COL5A3: variants seen among roughly 807,000 people sequenced by gnomAD.
The protein encoded by COL5A3 is collagen type V alpha 3 chain, also known as collagen alpha-3(V) chain.
A neutral mutation model predicts 250.0 loss-of-function variants in COL5A3; 172 were observed. The observed-to-expected ratio is 0.69, with a 90% CI of 0.61 to 0.78. The LOEUF is 0.78. Among genes scored for constraint, COL5A3 ranks in the 30% least tolerant of loss-of-function variants. COL5A3 has a pLI of 0.00. For synonymous variants in COL5A3, 937 were observed against 900.4 expected (o/e 1.04, Z -0.73); for missense variants, 2,340 against 2,334.4 (o/e 1.00, Z -0.05).
chr19:10,001,449 A>G, intron 8 of COL5A3, 75 bp downstream of exon 8: 1 of 1,488,868 alleles, frequency 6.7e-7, no homozygotes, highest in Non-Finnish European at 9.0e-7. Flanking sequence ...GCCCTGCCTA[A>G]ATAAATAAAT....
At position 9,983,729 on chromosome 19, in the gene COL5A3, AAG is replaced by A. The variant is rs990029775; in HGVS notation, c.2407-1613_2407-1612del. Among the ~76,000 whole-genome samples, 265 of 150,810 alleles carry A rather than the reference AAG, an allele frequency of 1.8e-3. 4 individuals carry two copies. Among genetic ancestry groups the A allele is most frequent in the African/African-American group, 6.1e-3 (252 of 41,228 alleles). ...AAAAAAGAAGGAAAAGAAAAGAAAAAAGAGGGGGACGCAGTGAGGGAGGGAGG... is the reference window on the plus strand; with the variant it reads ...AAAAAAGAAGGAAAAGAAAAGAAAAAAGGGGGACGCAGTGAGGGAGGGAGG... On this transcript the variant is annotated intron_variant, in intron 31 of 66. Coordinates refer to ENST00000264828, the MANE Select transcript of COL5A3 (RefSeq NM_015719.4).
chr19:9,973,054 G>T (rs1338551808), intron 50 of COL5A3, 28 bp from the exon 51 acceptor site: 2 of 1,571,996 alleles, frequency 1.3e-6, no homozygotes, highest in East Asian at 4.6e-5. Flanking sequence ...AGAGGTCAGA[G>T]TGGCCTGGAC....
At position 9,996,745 on chromosome 19, in the gene COL5A3, C is replaced by T. The variant is rs10410821; in HGVS notation, c.1264-56G>A. On this transcript the variant is annotated intron_variant, in intron 11 of 66. Transcript: ENST00000264828. ...GACAGGGAGAGAGGGAGAGAGAGAGCGAGGACAGGGGAGGCACAGAAGGAT... is the reference window on the plus strand; with the variant it reads ...GACAGGGAGAGAGGGAGAGAGAGAGTGAGGACAGGGGAGGCACAGAAGGAT... 1,426 of 1,372,890 alleles carry T rather than the reference C, an allele frequency of 1.0e-3. 4 individuals are homozygous for T. Among genetic ancestry groups the T allele is most frequent in the African/African-American group, 3.6e-3 (245 of 67,294 alleles). The allele number at this position is 1,372,890 out of a possible 1,614,324, so 85.0% of individuals were successfully genotyped here.
chr19:9,995,372 C>A (rs981122082), intron 16 of COL5A3, among the ~76,000 whole-genome samples, 192 bp downstream of exon 16: 1 of 152,220 alleles, frequency 6.6e-6, no homozygotes, highest in African/African-American at 2.4e-5. Context: ...ATCACTCCTG[C>A]AGGCAAGTCC....
At chr19:9,972,099 A>G (rs1294087182) in intron 51 of COL5A3, among the ~76,000 whole-genome samples, 3 of 152,186 alleles carry the variant, frequency 2.0e-5, no homozygotes, top group African/African-American at 4.8e-5. Flanking sequence ...TCATTTGTCC[A>G]TTCGGCCACT....
rs10420289 is a variant in COL5A3, at chr19:9,993,470, G to A, written c.1696-37C>T. 1.0e-4 allele frequency: 169 copies of A among 1,611,228 alleles called. No homozygotes were observed. In the African/African-American group the frequency reaches 2.1e-3, roughly 20 times the overall value. On this transcript the variant is annotated intron_variant, in intron 18 of 66. Coordinates refer to ENST00000264828, the MANE Select transcript of COL5A3 (RefSeq NM_015719.4). ...ACAGAGGGGAGTTCAGAGTGGAAGG[G>A]TGTGGGCGGAGAGACCAGCCCCCTG... is the stretch of plus-strand genomic sequence containing the variant.
intron 27 of COL5A3, among the ~76,000 whole-genome samples, chr19:9,988,855 A>AAAAAAAGAGAGAGAAAG (rs1269531312): frequency 1.9e-5 from 2 of 104,762 alleles, no homozygotes; most frequent in Admixed American, 9.6e-5. Flanking sequence ...AAAAAAAAAA[A>AAAAAAAGAGAGAGAAAG]AAAGAAAGTA....
At chr19:10,005,056 C>T (rs971432378) in intron 4 of COL5A3, among the ~76,000 whole-genome samples, 2 of 151,624 alleles carry the variant, frequency 1.3e-5, no homozygotes, top group African/African-American at 2.4e-5. Flanking sequence ...AAGTAGGCAT[C>T]GTCACAATTT....
Position 10,004,990 on chromosome 19 carries a change from C to G in COL5A3, c.594+568G>C, listed in dbSNP as rs535117880. Among the ~76,000 whole-genome samples, 19 of 140,662 alleles carry G rather than the reference C, an allele frequency of 1.4e-4. No individual in the cohort carries two copies. The South Asian group carries it at 4.6e-3, about 34-fold the overall frequency. 92.3% of individuals were successfully genotyped at this position (140,662 alleles called of 152,430 possible). The stretch of plus-strand genomic sequence containing the variant: ...GGCTCTGCAATCTCACAGTCATGCA[C>G]TGCAACGGCACACACAAGCATGCAC... On this transcript the variant is annotated intron_variant, in intron 4 of 66. Transcript: ENST00000264828.
intron 31 of COL5A3, among the ~76,000 whole-genome samples, chr19:9,982,861 G>C (rs1040411399): frequency 2.6e-4 from 39 of 151,896 alleles, no homozygotes; most frequent in African/African-American, 8.7e-4. Flanking sequence ...TTTTTTGTTT[G>C]TTTTATTTTT....
chr19:10,002,062 AG>A (rs1278568054), intron 6 of COL5A3, among the ~76,000 whole-genome samples, 181 bp from the exon 7 acceptor site: 8 of 152,134 alleles, frequency 5.3e-5, no homozygotes, highest in Admixed American at 2.6e-4. Context: ...CTGCCAGCAG[AG>A]GGAGCCACCG....
chr19:9,995,702 G>A (rs2087259161), intron 15 of COL5A3, 85 bp from the exon 16 acceptor site: 1 of 1,067,080 alleles, frequency 9.4e-7, no homozygotes, highest in African/African-American at 1.6e-5. Context: ...ATTAGAGATG[G>A]GGTCTTGCTG....
At chr19:10,007,666 G>A (rs771736080) in intron 1 of COL5A3, among the ~76,000 whole-genome samples, 6 of 152,310 alleles carry the variant, frequency 3.9e-5, no homozygotes, top group South Asian at 2.1e-4. Context: ...CCCTGGGGGC[G>A]GCTCTGCTGA....
chr19:10,007,200 C>G (rs1396579103), intron 1 of COL5A3, among the ~76,000 whole-genome samples: 1 of 150,668 alleles, frequency 6.6e-6, no homozygotes, highest in Non-Finnish European at 1.5e-5. Context: ...TCCCCTCTGA[C>G]CTCCTCCCTC....
chr19:9,972,878 GC>G, intron 51 of COL5A3, 40 bp downstream of exon 51: 1 of 1,417,456 alleles, frequency 7.1e-7, no homozygotes, highest in Non-Finnish European at 9.5e-7. Context: ...ACATTCAAGT[GC>G]CCCCTCCCAT....
chr19:9,996,574 A>G, intron 12 of COL5A3, 41 bp downstream of exon 12: 2 of 1,612,266 alleles, frequency 1.2e-6, no homozygotes, highest in East Asian at 2.2e-5. Flanking sequence ...CTGGATCAGG[A>G]CTCCACTCCC....
chr19:9,989,393 A>T (rs1375258276), intron 25 of COL5A3, 27 bp from the exon 26 acceptor site: 1 of 1,614,110 alleles, frequency 6.2e-7, no homozygotes, highest in East Asian at 2.2e-5. Flanking sequence ...CTCAGTTGTC[A>T]GAGACCAAAA....
rs369814110 is a variant in COL5A3 at position 9,982,050 on chromosome 19, C to G, written c.2460+15G>C. On this transcript the variant is annotated intron_variant, in intron 32 of 66. Transcript: ENST00000264828. ...ACAAGTTCTCCCCTCTCCCTTACCCCCGGTCATGACTCACCGACTTCCCTT... is the reference window on the plus strand; with the variant it reads ...ACAAGTTCTCCCCTCTCCCTTACCCGCGGTCATGACTCACCGACTTCCCTT... The G allele has an allele frequency of 6.2e-7, 1 of 1,605,556 alleles. No homozygotes were observed. The highest frequency in any genetic ancestry group is 1.7e-5 in the Admixed American group (1 of 59,854).
intron 10 of COL5A3, among the ~76,000 whole-genome samples, 172 bp downstream of exon 10, chr19:9,997,812 C>T (rs965761516): frequency 8.6e-5 from 13 of 152,018 alleles, no homozygotes; most frequent in Non-Finnish European, 8.8e-5. Flanking sequence ...GCTATGTTGC[C>T]CAGTCTCTAT....
Sources: gnomAD v4.1 joint callset for allele counts (sites outside exome capture counted in the v4.1 genomes callset) on GRCh38, gnomAD v4.1.1 for gene constraint, MANE v1.5 for transcripts, NCBI Gene and HGNC (gene_info 2026-07-23, HGNC 2026-07-21) for gene names.